CLCNKB: variants seen among roughly 807,000 people sequenced by gnomAD.
CLCNKB encodes the protein chloride channel protein ClC-Kb.
Under a neutral mutation model 83.8 loss-of-function variants are expected in CLCNKB, and 74 were observed. The ratio of observed to expected loss-of-function variants is 0.88; its 90% CI spans 0.73 to 1.07. The LOEUF is 1.07. Ranked by LOEUF, CLCNKB falls within the 50% of genes least tolerant of loss-of-function variation. CLCNKB has a pLI of 0.00. For synonymous variants in CLCNKB, 358 were observed against 356.6 expected (o/e 1.00, Z -0.04); for missense variants, 798 against 893.6 (o/e 0.89, Z 1.36).
chr1:16,050,377 C>T, intron 10 of CLCNKB, 139 bp from the exon 11 acceptor site: 1 of 919,342 alleles, frequency 1.1e-6, no homozygotes, highest in South Asian at 1.4e-5. Flanking sequence ...CCCACAGGTT[C>T]TGTCCCCTGG....
At chr1:16,053,544 T>G in intron 15 of CLCNKB, 95 bp from the exon 16 acceptor site, 4 of 1,579,902 alleles carry the variant, frequency 2.5e-6, no homozygotes, top group Non-Finnish European at 3.5e-6. Flanking sequence ...GAGCCGTGGG[T>G]CCCCGGTTCA....
At chr1:16,052,806 A>C (rs1178054574) in intron 15 of CLCNKB, among the ~76,000 whole-genome samples, 2 of 152,160 alleles carry the variant, frequency 1.3e-5, no homozygotes, top group Non-Finnish European at 2.9e-5. Context: ...AGGTGGAACG[A>C]GAATGGAAAT....
rs1299080019 is a variant in CLCNKB, at chr1:16,049,200, G to C, written c.736G>C (p.Gly246Arg). Residue 246 changes from glycine to arginine, a missense_variant, in exon 8 of 20, where the codon GGG becomes CGG. Gly to Arg is a moderately radical substitution (Grantham distance 125). Coordinates refer to ENST00000375679, the MANE Select transcript of CLCNKB (RefSeq NM_000085.5). ...YWRGFFAATC[G>R]AFMFRLLAVF... ...GAGGGGCTTCTTTGCGGCCACCTGCGGGGCCTTCATGTTCCGGCTCCTGGC... is the reference window on the plus strand; with the variant it reads ...GAGGGGCTTCTTTGCGGCCACCTGCCGGGCCTTCATGTTCCGGCTCCTGGC... The C allele has an allele frequency of 1.2e-6, 2 of 1,613,686 alleles. No individual in the cohort carries two copies. Among genetic ancestry groups the C allele is most frequent in the Admixed American group, 3.3e-5 (2 of 60,024 alleles).
intron 8 of CLCNKB, 122 bp from the exon 9 acceptor site, chr1:16,049,496 T>C (rs2023214852): frequency 6.7e-7 from 1 of 1,486,670 alleles, no homozygotes; most frequent in South Asian, 1.2e-5. Flanking sequence ...GGGCCTGGAA[T>C]GCCAGGACAC....
At chr1:16,046,472 C>T (rs1400089251) in intron 3 of CLCNKB, 63 bp from the exon 4 acceptor site, 3 of 1,607,080 alleles carry the variant, frequency 1.9e-6, no homozygotes, top group South Asian at 2.2e-5. Context: ...GTGGGCACCA[C>T]AGCGTCTGGC....
intron 4 of CLCNKB, 70 bp downstream of exon 4, chr1:16,046,733 AG>A (rs2023115676): frequency 6.3e-7 from 1 of 1,586,132 alleles, no homozygotes; most frequent in Non-Finnish European, 8.6e-7. Flanking sequence ...GGAGTCGGGA[AG>A]GGGCAGCCTC....
chr1:16,051,450 C>G (rs774725816), intron 12 of CLCNKB, 28 bp from the exon 13 acceptor site: 13 of 1,613,162 alleles, frequency 8.1e-6, no homozygotes, highest in East Asian at 4.5e-5. Flanking sequence ...AGCCTCTAAC[C>G]TCTGCCCTGG....
At chr1:16,048,219 C>T in intron 5 of CLCNKB, 124 bp from the exon 6 acceptor site, 1 of 1,459,792 alleles carries the variant, frequency 6.9e-7, no homozygotes, top group Non-Finnish European at 9.4e-7. Context: ...CAAAAGCCAT[C>T]TGAGGACGGC....
In CLCNKB at chr1:16,051,550, G is replaced by A; in HGVS notation, c.1297+3G>A. On this transcript the variant is annotated splice_donor_region_variant and intron_variant, in intron 13 of 19. Transcript: ENST00000375679. Reference sequence around the variant, plus strand: ...CTTCATGCCCATCTTTGTCTATGGTGAGTCTGGGGTCCTGAGGTTCTGAGA... The same window carrying A: ...CTTCATGCCCATCTTTGTCTATGGTAAGTCTGGGGTCCTGAGGTTCTGAGA... 1.2e-6 allele frequency: 2 copies of A among 1,614,066 alleles called. No individual in the cohort carries two copies. Among genetic ancestry groups the A allele is most frequent in the Non-Finnish European group, 8.5e-7 (1 of 1,179,960 alleles).
At chr1:16,051,229 A>T (rs1387012032) in intron 12 of CLCNKB, among the ~76,000 whole-genome samples, 181 bp downstream of exon 12, 1 of 152,038 alleles carries the variant, frequency 6.6e-6, no homozygotes, top group Non-Finnish European at 1.5e-5. Context: ...CAGTCTTCTC[A>T]TCTTTAAAAT....
intron 3 of CLCNKB, among the ~76,000 whole-genome samples, chr1:16,046,040 C>T (rs1293749076): frequency 1.3e-5 from 2 of 152,238 alleles, no homozygotes; most frequent in Admixed American, 1.3e-4. Context: ...TGCTTCCTCC[C>T]CATCCCACCC....
chr1:16,044,565 T>A lies in CLCNKB; in HGVS notation c.73T>A (p.Cys25Ser), dbSNP rs1336065376. ...GACTCTGCAGGAGCTGTGGGGCCCCTGTCCCCGCATCCGCCGAGGCATCCG... is the reference window on the plus strand; with the variant it reads ...GACTCTGCAGGAGCTGTGGGGCCCCAGTCCCCGCATCCGCCGAGGCATCCG... ...PVTLQELWGP[C>S]PRIRRGIRGG... The change falls in exon 2 of 20, where the codon TGT (cysteine) becomes AGT (serine). Residue 25 changes from cysteine (C) to serine (S), a missense_variant. Transcript: ENST00000375679. The A allele has an allele frequency of 3.1e-6, 5 of 1,605,170 alleles. No individual in the cohort carries two copies. The African/African-American group carries it at 6.7e-5, about 21-fold the overall frequency.
At chr1:16,045,766 G>T in intron 3 of CLCNKB, 80 bp downstream of exon 3, 1 of 1,405,364 alleles carries the variant, frequency 7.1e-7, no homozygotes, top group Non-Finnish European at 9.8e-7. Flanking sequence ...ATGTCGCCAG[G>T]TGCAGCGGAG....
At chr1:16,044,383 A>AC in intron 1 of CLCNKB, 103 bp from the exon 2 acceptor site, 33 of 851,714 alleles carry the variant, frequency 3.9e-5, no homozygotes, top group Non-Finnish European at 4.9e-5. Context: ...ACACACGCAC[A>AC]ATCTTTCCTC....
chr1:16,051,933 C>A (rs1202735149), intron 14 of CLCNKB, 113 bp downstream of exon 14: 3 of 928,528 alleles, frequency 3.2e-6, no homozygotes, highest in Non-Finnish European at 5.2e-6. Context: ...CTCCAGTGAA[C>A]CCCCTACCCC....
At chr1:16,053,505 G>C in intron 15 of CLCNKB, 134 bp from the exon 16 acceptor site, 1 of 1,314,004 alleles carries the variant, frequency 7.6e-7, no homozygotes, top group South Asian at 1.2e-5. Context: ...CCTCATTCCA[G>C]GAACCTCTCC....
chr1:16,053,526 A>C (rs1216323543), intron 15 of CLCNKB, 113 bp from the exon 16 acceptor site: 1 of 1,499,408 alleles, frequency 6.7e-7, no homozygotes, highest in African/African-American at 1.4e-5. Flanking sequence ...GGCCCTGCCC[A>C]CACTCCAGAG....
rs1413664074 is a variant in CLCNKB, at chr1:16,045,553, C to T, written c.101-5C>T. ...CCTGTGCCGTGACCCCATGCCCTGC[C>T]CCAGGTGGCCTGGAGTGGCTGAAGC... is the stretch of plus-strand genomic sequence containing the variant. On this transcript the variant is annotated splice_polypyrimidine_tract_variant and splice_region_variant and intron_variant, in intron 2 of 19. Transcript: ENST00000375679. The T allele has an allele frequency of 6.2e-7, 1 of 1,613,266 alleles. No homozygotes were observed.
chr1:16,051,981 C>T (rs558692720), intron 14 of CLCNKB, among the ~76,000 whole-genome samples, 161 bp downstream of exon 14: 75 of 151,662 alleles, frequency 4.9e-4, no homozygotes, highest in African/African-American at 1.7e-3. Flanking sequence ...CACCATTCCC[C>T]GGGGCCCATC....
Sources: gnomAD v4.1 joint callset for allele counts (sites outside exome capture counted in the v4.1 genomes callset) on GRCh38, gnomAD v4.1.1 for gene constraint, MANE v1.5 for transcripts, NCBI Gene and HGNC (gene_info 2026-07-23, HGNC 2026-07-21) for gene names.